The following LUZP2 variants were observed in gnomAD, a reference collection of about 807,000 sequenced individuals.
LUZP2 encodes the protein leucine zipper protein 2.
LUZP2 carries 52 observed loss-of-function variants against 51.6 expected under a neutral mutation model. The observed-to-expected ratio is 1.01, with a 90% CI of 0.81 to 1.27. The LOEUF is 1.27. Ranked by LOEUF, LUZP2 falls within the 50% of genes most tolerant of loss-of-function variation. The pLI, the probability that LUZP2 is intolerant of heterozygous loss-of-function variation, is 0.00. For synonymous variants in LUZP2, 154 were observed against 137.3 expected, an observed-to-expected ratio of 1.12 and a Z score of -0.85; for missense variants, 436 against 395.4, an observed-to-expected ratio of 1.10 and a Z score of -0.87.
chr11:24,892,596 C>A, intron 5 of LUZP2: 1 of 328,694 alleles, frequency 3.0e-6, no homozygotes, highest in Non-Finnish European at 4.4e-6. Flanking sequence ...AAGTGCTAAT[C>A]TCTTGAATGA....
At chr11:24,615,906 G>C (rs945851741) in intron 1 of LUZP2, among the ~76,000 whole-genome samples, 5 of 151,410 alleles carry the variant, frequency 3.3e-5, no homozygotes, top group African/African-American at 1.2e-4. Flanking sequence ...GCATTTCCCT[G>C]ATGGATAATG....
chr11:24,861,057 T>G (rs1851726045), intron 5 of LUZP2, among the ~76,000 whole-genome samples: 1 of 152,046 alleles, frequency 6.6e-6, no homozygotes. Context: ...GCTAAGAACT[T>G]TGATAAAAGA....
intron 5 of LUZP2, among the ~76,000 whole-genome samples, chr11:24,766,665 A>T (rs1160747619): frequency 1.3e-5 from 2 of 152,224 alleles, no homozygotes; most frequent in East Asian, 1.9e-4. Context: ...AAAGATCTAC[A>T]TCCCAAAGGA....
intron 1 of LUZP2, among the ~76,000 whole-genome samples, chr11:24,504,525 T>C (rs1283700246): frequency 1.3e-5 from 2 of 152,124 alleles, no homozygotes; most frequent in Non-Finnish European, 2.9e-5. Context: ...AAAACAATAA[T>C]ATCTAATATT....
chr11:24,583,168 C>T (rs1359428918), intron 1 of LUZP2, among the ~76,000 whole-genome samples: 1 of 152,060 alleles, frequency 6.6e-6, no homozygotes, highest in Non-Finnish European at 1.5e-5. Context: ...CATAATATCA[C>T]ATATCATTAT....
chr11:24,623,106 C>T (rs999730265), intron 1 of LUZP2, among the ~76,000 whole-genome samples: 1 of 152,034 alleles, frequency 6.6e-6, no homozygotes, highest in Admixed American at 6.6e-5. Context: ...GACACACACA[C>T]ACATACACAC....
chr11:24,774,301 G>A (rs984112935), intron 5 of LUZP2, among the ~76,000 whole-genome samples: 8 of 145,304 alleles, frequency 5.5e-5, no homozygotes, highest in Admixed American at 1.4e-4. Flanking sequence ...CCCTGTGATT[G>A]TGTGAGTTAA....
At chr11:24,653,716 G>A (rs1205243101) in intron 1 of LUZP2, among the ~76,000 whole-genome samples, 1 of 152,124 alleles carries the variant, frequency 6.6e-6, no homozygotes, top group African/African-American at 2.4e-5. Flanking sequence ...ATACAATAGA[G>A]ATTCAAAAGG....
chr11:24,998,762 A>G (rs902264077), intron 9 of LUZP2, among the ~76,000 whole-genome samples: 2 of 152,200 alleles, frequency 1.3e-5, no homozygotes, highest in East Asian at 3.9e-4. Flanking sequence ...ACTTTCAGCC[A>G]AAGAATTGCT....
At chr11:24,865,417 C>T (rs946047091) in intron 5 of LUZP2, among the ~76,000 whole-genome samples, 4 of 152,148 alleles carry the variant, frequency 2.6e-5, no homozygotes, top group African/African-American at 9.7e-5. Flanking sequence ...GTTAATTTGC[C>T]TATGGCAAAG....
intron 1 of LUZP2, among the ~76,000 whole-genome samples, chr11:24,511,212 T>G (rs149911499): frequency 2.0e-5 from 3 of 152,274 alleles, no homozygotes; most frequent in East Asian, 3.9e-4. Context: ...AAGTTGTCTT[T>G]TTTGTGTATA....
chr11:24,653,613 A>C (rs1855706475), intron 1 of LUZP2, among the ~76,000 whole-genome samples: 1 of 152,196 alleles, frequency 6.6e-6, no homozygotes, highest in Non-Finnish European at 1.5e-5. Context: ...AGTCTAGAGC[A>C]TAAGAGTGAA....
At chr11:24,568,085 A>G (rs1196721782) in intron 1 of LUZP2, among the ~76,000 whole-genome samples, 3 of 152,210 alleles carry the variant, frequency 2.0e-5, no homozygotes, top group Admixed American at 6.5e-5. Context: ...TTAGATTCCA[A>G]AATGCGAATA....
chr11:24,956,627 A>G (rs573637045), intron 7 of LUZP2, among the ~76,000 whole-genome samples: 2 of 152,238 alleles, frequency 1.3e-5, no homozygotes, highest in South Asian at 4.1e-4. Flanking sequence ...TGCAGATAGC[A>G]CTCATAAATG....
At chr11:24,960,552 C>T (rs1242717939) in intron 7 of LUZP2, among the ~76,000 whole-genome samples, 2 of 152,110 alleles carry the variant, frequency 1.3e-5, no homozygotes, top group African/African-American at 4.8e-5. Flanking sequence ...TTGTAGTAAT[C>T]TCTGATAGTA....
chr11:24,717,032 TAAA>T (rs1409284188), intron 1 of LUZP2, among the ~76,000 whole-genome samples: 25 of 151,996 alleles, frequency 1.6e-4, no homozygotes, highest in Non-Finnish European at 2.9e-4. Flanking sequence ...AATTATAAAA[TAAA>T]GAAGTGGAGT....
At chr11:24,891,776 G>A (rs1482957813) in intron 5 of LUZP2, 55 of 954,254 alleles carry the variant, frequency 5.8e-5, no homozygotes, top group Non-Finnish European at 6.5e-5. Flanking sequence ...AGTCTCCATA[G>A]ATCATACAAA....
intron 5 of LUZP2, among the ~76,000 whole-genome samples, chr11:24,904,082 A>G (rs1320189536): frequency 6.6e-6 from 1 of 152,164 alleles, no homozygotes; most frequent in Non-Finnish European, 1.5e-5. Flanking sequence ...ACTAATTTAC[A>G]TTCCCAGCAA....
At chr11:24,962,569 C>T (rs935397147) in intron 7 of LUZP2, among the ~76,000 whole-genome samples, 2 of 152,224 alleles carry the variant, frequency 1.3e-5, no homozygotes, top group Non-Finnish European at 2.9e-5. Context: ...GCTCCTGAGG[C>T]TTCTGCATTC....
Sources: gnomAD v4.1 joint callset for allele counts (sites outside exome capture counted in the v4.1 genomes callset) on GRCh38, gnomAD v4.1.1 for gene constraint, MANE v1.5 for transcripts, NCBI Gene and HGNC (gene_info 2026-07-23, HGNC 2026-07-21) for gene names.